Variants in PSTPIP2 observed in about 807,000 individuals in gnomAD.
PSTPIP2 encodes proline-serine-threonine phosphatase-interacting protein 2.
Under a neutral mutation model 63.3 loss-of-function variants are expected in PSTPIP2, and 33 were observed. The observed-to-expected ratio is 0.52, with a 90% CI of 0.40 to 0.70. The LOEUF (loss-of-function observed/expected upper bound fraction) is 0.70. Among genes scored for constraint, PSTPIP2 ranks in the 30% least tolerant of loss-of-function variants. The pLI is 0.00. For synonymous variants in PSTPIP2, 125 were observed against 132.7 expected (o/e 0.94, Z 0.40); for missense variants, 312 against 400.7 (o/e 0.78, Z 1.89).
chr18:46,031,428 TCTC>T, intron 2 of PSTPIP2, among the ~76,000 whole-genome samples: 1 of 152,252 alleles, frequency 6.6e-6, no homozygotes, highest in South Asian at 2.1e-4. Flanking sequence ...ACCTGTTTCT[TCTC>T]AGGCCTCTAT....
intron 2 of PSTPIP2, among the ~76,000 whole-genome samples, chr18:46,035,939 C>T (rs1480787465): frequency 6.6e-6 from 1 of 152,078 alleles, no homozygotes; most frequent in East Asian, 1.9e-4. Flanking sequence ...TATTATGTAG[C>T]TATTCAGATG....
chr18:46,046,535 C>T (rs1908391736), intron 1 of PSTPIP2, among the ~76,000 whole-genome samples: 1 of 152,146 alleles, frequency 6.6e-6, no homozygotes. Context: ...CAGTCTCTAC[C>T]CTTCTATACA....
rs920820626 is a variant in PSTPIP2, at chr18:45,992,143, G to A, written c.801C>T (p.Tyr267=). Residue 267 remains tyrosine (Y), a synonymous_variant, in exon 11 of 15, where the codon TAC becomes TAT. Coordinates refer to ENST00000409746, the MANE Select transcript of PSTPIP2 (RefSeq NM_024430.4). ...EMCSIQRDIE[Y]FVNQRKTGQI... is the part of the protein sequence containing the mutation. ...GTCCAGTTTTGCGTTGATTCACAAA[G>A]TATTCAATGTCCCTCTGAATGCTGC... 4 of 1,608,772 alleles carry A rather than the reference G, an allele frequency of 2.5e-6. No individual in the cohort carries two copies. The highest frequency in any genetic ancestry group is 2.7e-5 in the African/African-American group (2 of 74,994).
intron 1 of PSTPIP2, among the ~76,000 whole-genome samples, chr18:46,059,262 T>A (rs1330924326): frequency 2.6e-5 from 4 of 151,922 alleles, no homozygotes; most frequent in Non-Finnish European, 5.9e-5. Context: ...GTCTTTTTTT[T>A]AATTTAAGAC....
chr18:46,060,375 C>T (rs1359292428), intron 1 of PSTPIP2, among the ~76,000 whole-genome samples: 1 of 152,110 alleles, frequency 6.6e-6, no homozygotes, highest in Non-Finnish European at 1.5e-5. Flanking sequence ...CCCACAATTC[C>T]ACCTCCTTAA....
chr18:46,060,501 G>A (rs573274529), intron 1 of PSTPIP2, among the ~76,000 whole-genome samples: 1 of 152,302 alleles, frequency 6.6e-6, no homozygotes, highest in African/African-American at 2.4e-5. Flanking sequence ...GGTTAGCTGG[G>A]TGGCACTGGA....
intron 1 of PSTPIP2, among the ~76,000 whole-genome samples, chr18:46,066,951 C>T (rs1464036195): frequency 1.3e-5 from 2 of 150,948 alleles, no homozygotes; most frequent in East Asian, 2.0e-4. Flanking sequence ...CGCTTGAACC[C>T]GGGAGGCAGA....
rs931380104 is a variant in PSTPIP2 at position 46,072,246 on chromosome 18, G to A, written c.-58C>T. The A allele has an allele frequency of 7.9e-5, 119 of 1,515,540 alleles. 1 individual carries two copies. The highest frequency in any genetic ancestry group is 4.4e-4 in the South Asian group (35 of 80,394). The allele number at this position is 1,515,540 out of a possible 1,614,324, so 93.9% of individuals were successfully genotyped here. ...GGCCGCAGGTAGCACAGAGCGGGGAGGCCTGACTGCCACTGCCCGCGGCTC... is the reference window on the plus strand; with the variant it reads ...GGCCGCAGGTAGCACAGAGCGGGGAAGCCTGACTGCCACTGCCCGCGGCTC... On this transcript the variant is annotated 5_prime_UTR_variant, in exon 1 of 15. Transcript: ENST00000409746.
chr18:46,009,297 G>A (rs900236991), intron 5 of PSTPIP2, among the ~76,000 whole-genome samples: 5 of 144,636 alleles, frequency 3.5e-5, no homozygotes, highest in Admixed American at 7.1e-5. Flanking sequence ...AGACCAAAGC[G>A]TGTGTCTGAC....
chr18:46,034,389 G>C (rs1276315129), intron 2 of PSTPIP2, among the ~76,000 whole-genome samples: 1 of 152,150 alleles, frequency 6.6e-6, no homozygotes, highest in African/African-American at 2.4e-5. Context: ...ACTTTCTCAA[G>C]AGACCATTAA....
chr18:46,032,124 A>G (rs965897936), intron 2 of PSTPIP2, among the ~76,000 whole-genome samples: 3 of 152,174 alleles, frequency 2.0e-5, no homozygotes, highest in African/African-American at 7.2e-5. Context: ...GTCTCATCTG[A>G]TCATCAATTT....
chr18:45,994,820 A>G (rs1372715777), intron 9 of PSTPIP2, among the ~76,000 whole-genome samples: 2 of 152,098 alleles, frequency 1.3e-5, no homozygotes, highest in Admixed American at 6.6e-5. Context: ...ATATCTATAT[A>G]ACATAGTATA....
At chr18:46,066,397 A>G (rs1909190808) in intron 1 of PSTPIP2, among the ~76,000 whole-genome samples, 1 of 152,218 alleles carries the variant, frequency 6.6e-6, no homozygotes. Flanking sequence ...CTTCTTGAGT[A>G]GCTAATAATC....
At chr18:46,046,191 T>C (rs1908378359) in intron 1 of PSTPIP2, among the ~76,000 whole-genome samples, 1 of 152,238 alleles carries the variant, frequency 6.6e-6, no homozygotes, top group African/African-American at 2.4e-5. Flanking sequence ...CATTCCATGC[T>C]GCAGGGCCTC....
intron 4 of PSTPIP2, among the ~76,000 whole-genome samples, chr18:46,015,119 C>G (rs530782085): frequency 6.6e-6 from 1 of 152,130 alleles, no homozygotes; most frequent in Non-Finnish European, 1.5e-5. Flanking sequence ...AGAAGAGGCC[C>G]AAAATTGTCC....
intron 3 of PSTPIP2, among the ~76,000 whole-genome samples, chr18:46,017,248 G>T (rs1489247545): frequency 6.6e-6 from 1 of 151,960 alleles, no homozygotes; most frequent in Non-Finnish European, 1.5e-5. Flanking sequence ...CTTCATCATT[G>T]CTATTGAAAA....
chr18:46,044,269 G>A (rs530316922), intron 1 of PSTPIP2, among the ~76,000 whole-genome samples: 1 of 152,274 alleles, frequency 6.6e-6, no homozygotes, highest in East Asian at 1.9e-4. Context: ...ATACTACAAG[G>A]CTACAGTAAC....
chr18:46,028,994 C>A, intron 2 of PSTPIP2: 1 of 901,266 alleles, frequency 1.1e-6, no homozygotes, highest in Non-Finnish European at 1.9e-6. Flanking sequence ...CGTCCTTGTG[C>A]ACAGATTGTG....
intron 1 of PSTPIP2, among the ~76,000 whole-genome samples, chr18:46,062,478 TAAAAAG>T (rs11270755): frequency 0.056 from 8,403 of 149,850 alleles, 696 homozygotes; most frequent in African/African-American, 0.18. Context: ...CCATCTCTAC[TAAAAAG>T]AAAAAGAAAA....
Sources: allele counts gnomAD v4.1 joint callset (sites outside exome capture counted in the v4.1 genomes callset), GRCh38; gene constraint gnomAD v4.1.1; transcripts MANE v1.5; gene names NCBI Gene and HGNC (gene_info 2026-07-23, HGNC 2026-07-21).